FBXL7: variants seen among roughly 807,000 people sequenced by gnomAD.
The protein encoded by FBXL7 is F-box/LRR-repeat protein 7.
In FBXL7, 12 loss-of-function variants were observed where a neutral mutation model predicts 38.3. The observed-to-expected ratio is 0.31, with a 90% confidence interval of 0.20 to 0.51. The LOEUF (loss-of-function observed/expected upper bound fraction) is 0.51, where lower values mean the gene tolerates loss of function less well. Ranked by LOEUF, FBXL7 falls within the 20% of genes least tolerant of loss-of-function variation. The pLI is 0.98. For synonymous variants in FBXL7, 297 were observed against 300.9 expected, an observed-to-expected ratio of 0.99 and a Z score of 0.13; for missense variants, 567 against 676.4, an observed-to-expected ratio of 0.84 and a Z score of 1.79.
At chr5:15,711,666 T>C (rs1743877829) in intron 2 of FBXL7, among the ~76,000 whole-genome samples, 1 of 152,086 alleles carries the variant, frequency 6.6e-6, no homozygotes, top group Non-Finnish European at 1.5e-5. Context: ...ATCCCTACAA[T>C]GGGGGTTTGG....
At chr5:15,640,524 T>A (rs929200290) in intron 2 of FBXL7, among the ~76,000 whole-genome samples, 1 of 141,434 alleles carries the variant, frequency 7.1e-6, no homozygotes, top group African/African-American at 2.7e-5. Context: ...AGGGCTTTGT[T>A]TTTTTTTGTT....
chr5:15,752,966 C>A (rs557023225), intron 2 of FBXL7, among the ~76,000 whole-genome samples: 1 of 152,270 alleles, frequency 6.6e-6, no homozygotes, highest in East Asian at 1.9e-4. Context: ...TTGTTTTCAG[C>A]AAAATGTTGA....
chr5:15,704,646 G>A (rs1743626470), intron 2 of FBXL7, among the ~76,000 whole-genome samples: 1 of 152,124 alleles, frequency 6.6e-6, no homozygotes, highest in Non-Finnish European at 1.5e-5. Context: ...TCATTCTTTT[G>A]TTGGAGTTAA....
rs1739651432 is a variant in FBXL7 at position 15,597,297 on chromosome 5, A to G, written c.38-18686A>G. Among the ~76,000 whole-genome samples the G allele has an allele frequency of 2.0e-5, 3 of 152,242 alleles. No individual in the cohort carries two copies. In the South Asian group the frequency reaches 6.2e-4, roughly 32 times the overall value. On this transcript the variant is annotated intron_variant, in intron 1 of 3. Transcript: ENST00000504595. ...TGTGTTGTATTGAGAGCAGAGAATA[A>G]AAATACAGCAATTTGGTTTTGCCTC...
chr5:15,847,824 G>C, intron 2 of FBXL7, among the ~76,000 whole-genome samples: 1 of 152,152 alleles, frequency 6.6e-6, no homozygotes, highest in Admixed American at 6.5e-5. Flanking sequence ...TTGTGGGAGA[G>C]GTTATGGGAG....
chr5:15,704,758 G>A (rs777638436), intron 2 of FBXL7, among the ~76,000 whole-genome samples: 21 of 152,106 alleles, frequency 1.4e-4, no homozygotes, highest in Non-Finnish European at 3.1e-4. Flanking sequence ...AAAATACTTT[G>A]TGAGTGAAAT....
intron 2 of FBXL7, among the ~76,000 whole-genome samples, chr5:15,652,502 G>T (rs1411515164): frequency 3.3e-5 from 5 of 152,274 alleles, no homozygotes; most frequent in South Asian, 2.1e-4. Context: ...TCCTGACCTT[G>T]TGATCCACCC....
intron 2 of FBXL7, among the ~76,000 whole-genome samples, chr5:15,814,130 A>G (rs1294354288): frequency 1.3e-5 from 2 of 152,176 alleles, no homozygotes; most frequent in Admixed American, 1.3e-4. Context: ...ATGCACACAT[A>G]TGTTTATTGC....
At chr5:15,706,712 T>C (rs965013064) in intron 2 of FBXL7, among the ~76,000 whole-genome samples, 2 of 152,140 alleles carry the variant, frequency 1.3e-5, no homozygotes, top group Non-Finnish European at 2.9e-5. Context: ...AACAACTACC[T>C]GGAAGTGGGT....
chr5:15,686,112 C>A (rs541076733), intron 2 of FBXL7, among the ~76,000 whole-genome samples: 1 of 152,256 alleles, frequency 6.6e-6, no homozygotes, highest in East Asian at 1.9e-4. Context: ...ACTGAAACCT[C>A]CACTGGATGC....
At chr5:15,732,663 C>T (rs551626498) in intron 2 of FBXL7, among the ~76,000 whole-genome samples, 11 of 152,168 alleles carry the variant, frequency 7.2e-5, no homozygotes, top group East Asian at 1.9e-4. Flanking sequence ...GTTAAGATTA[C>T]GATCTATAGA....
At chr5:15,733,884 G>A (rs960108909) in intron 2 of FBXL7, among the ~76,000 whole-genome samples, 1 of 152,116 alleles carries the variant, frequency 6.6e-6, no homozygotes, top group African/African-American at 2.4e-5. Context: ...CGAGGCAGGC[G>A]GTTCACAAGG....
At chr5:15,832,820 A>G (rs943625842) in intron 2 of FBXL7, among the ~76,000 whole-genome samples, 9 of 152,040 alleles carry the variant, frequency 5.9e-5, no homozygotes, top group African/African-American at 1.9e-4. Flanking sequence ...TGGCTTTTTG[A>G]TATGATTTGG....
At chr5:15,921,964 A>G (rs929717774) in intron 2 of FBXL7, among the ~76,000 whole-genome samples, 2 of 152,116 alleles carry the variant, frequency 1.3e-5, no homozygotes, top group African/African-American at 4.8e-5. Flanking sequence ...TGACCCAGCA[A>G]TCCCTCTTTT....
rs1241660566 is a variant in FBXL7 at position 15,928,786 on chromosome 5, A to G, written c.739+285A>G. On this transcript the variant is annotated intron_variant, in intron 3 of 3. Coordinates refer to ENST00000504595, the MANE Select transcript of FBXL7 (RefSeq NM_012304.5). The surrounding 1 kb of genome is among the most constrained non-coding windows in gnomAD (Gnocchi z 4.0). Reference sequence around the variant, plus strand: ...GTGCAGGTTAGTTACATATGTATACATGTGCCATGTTGGTGTGCTGCACCC... The same window carrying G: ...GTGCAGGTTAGTTACATATGTATACGTGTGCCATGTTGGTGTGCTGCACCC... Among the ~76,000 whole-genome samples the G allele has an allele frequency of 6.6e-6, 1 of 152,166 alleles. No homozygotes were observed. The highest frequency in any genetic ancestry group is 2.4e-5 in the African/African-American group (1 of 41,436).
chr5:15,906,827 C>T (rs1246537638), intron 2 of FBXL7, among the ~76,000 whole-genome samples: 1 of 27,180 alleles, frequency 3.7e-5, no homozygotes, highest in Non-Finnish European at 7.0e-5. Context: ...TCATCCATGT[C>T]CCTACAAAGG....
intron 1 of FBXL7, among the ~76,000 whole-genome samples, chr5:15,541,543 C>CTTTT (rs1173509531): frequency 1.1e-5 from 1 of 91,346 alleles, no homozygotes; most frequent in South Asian, 3.3e-4. Flanking sequence ...ACTCACTCCT[C>CTTTT]TTTTTTTTTT....
At chr5:15,776,269 G>A (rs1736856417) in intron 2 of FBXL7, among the ~76,000 whole-genome samples, 1 of 152,040 alleles carries the variant, frequency 6.6e-6, no homozygotes. Context: ...GATGAGTATA[G>A]TAAGTTTTAA....
At chr5:15,527,915 G>A (rs2126385748) in intron 1 of FBXL7, among the ~76,000 whole-genome samples, 1 of 152,302 alleles carries the variant, frequency 6.6e-6, no homozygotes, top group East Asian at 1.9e-4. Context: ...TCTTTTAAGG[G>A]TGGAATGTTT....
Sources: gnomAD v4.1 joint callset for allele counts (sites outside exome capture counted in the v4.1 genomes callset) on GRCh38, gnomAD v4.1.1 for gene constraint, Gnocchi (gnomAD v3.1) non-coding constraint, MANE v1.5 for transcripts, NCBI Gene and HGNC (gene_info 2026-07-23, HGNC 2026-07-21) for gene names.